MMP16: variants seen among roughly 807,000 people sequenced by gnomAD.
MMP16 encodes the protein matrix metalloproteinase-16.
Under a neutral mutation model 67.8 loss-of-function variants are expected in MMP16, and 12 were observed. The ratio of observed to expected loss-of-function variants is 0.18; its 90% CI spans 0.11 to 0.29. MMP16 has a LOEUF of 0.29. Among genes scored for constraint, MMP16 ranks in the 10% least tolerant of loss-of-function variants. The pLI is 1.00. For synonymous variants in MMP16, 249 were observed against 255.9 expected (o/e 0.97, Z 0.26); for missense variants, 475 against 765.7 (o/e 0.62, Z 4.48).
At chr8:88,273,770 TTAA>T (rs746996381) in intron 1 of MMP16, among the ~76,000 whole-genome samples, 1 of 152,182 alleles carries the variant, frequency 6.6e-6, no homozygotes, top group African/African-American at 2.4e-5. Context: ...CAATTTCCCC[TTAA>T]TAATTTAACG....
intron 1 of MMP16, among the ~76,000 whole-genome samples, chr8:88,253,482 C>A (rs1430143374): frequency 1.3e-5 from 2 of 152,026 alleles, no homozygotes; most frequent in African/African-American, 4.8e-5. Flanking sequence ...ATGAAAATGG[C>A]AACAGTCCTC....
chr8:88,186,053 T>C (rs1586195210), intron 3 of MMP16, among the ~76,000 whole-genome samples: 1 of 152,154 alleles, frequency 6.6e-6, no homozygotes, highest in Non-Finnish European at 1.5e-5. Context: ...ACTTGCATAA[T>C]TAAGAAAAAG....
At chr8:88,266,833 A>C (rs554881898) in intron 1 of MMP16, among the ~76,000 whole-genome samples, 2 of 152,296 alleles carry the variant, frequency 1.3e-5, no homozygotes, top group Admixed American at 6.5e-5. Flanking sequence ...TTTGGATTTC[A>C]ATCATGCTGA....
chr8:88,204,699 TACAA>T (rs1268239631), intron 1 of MMP16, among the ~76,000 whole-genome samples: 1 of 152,136 alleles, frequency 6.6e-6, no homozygotes, highest in Non-Finnish European at 1.5e-5. Context: ...AATTAAGATG[TACAA>T]TAAAAAGTGT....
intron 6 of MMP16, among the ~76,000 whole-genome samples, chr8:88,104,045 CTATTT>C (rs1809192958): frequency 1.3e-5 from 2 of 151,658 alleles, no homozygotes; most frequent in South Asian, 4.1e-4. Flanking sequence ...AAGGTTTTGC[CTATTT>C]TATTTTAAAA....
chr8:88,178,845 T>C (rs1202662903), intron 3 of MMP16, among the ~76,000 whole-genome samples: 3 of 151,816 alleles, frequency 2.0e-5, no homozygotes, highest in East Asian at 3.8e-4. Context: ...TATTTCACTT[T>C]GAATTAAAGA....
chr8:88,238,169 C>A (rs1412506826), intron 1 of MMP16, among the ~76,000 whole-genome samples: 1 of 152,050 alleles, frequency 6.6e-6, no homozygotes, highest in African/African-American at 2.4e-5. Flanking sequence ...TGATCTAGAT[C>A]GTCAATGTCA....
At chr8:88,152,339 A>G (rs1808424270) in intron 4 of MMP16, among the ~76,000 whole-genome samples, 1 of 126,818 alleles carries the variant, frequency 7.9e-6, no homozygotes, top group Admixed American at 8.7e-5. Flanking sequence ...ATAGAAAAAG[A>G]GGGACTCCTC....
chr8:88,228,848 T>A (rs940571183), intron 1 of MMP16, among the ~76,000 whole-genome samples: 1 of 151,988 alleles, frequency 6.6e-6, no homozygotes, highest in Non-Finnish European at 1.5e-5. Context: ...AACACTTTAA[T>A]AGTACAAAAA....
chr8:88,267,200 G>C (rs1246916938), intron 1 of MMP16, among the ~76,000 whole-genome samples: 1 of 152,298 alleles, frequency 6.6e-6, no homozygotes, highest in Non-Finnish European at 1.5e-5. Context: ...AAACAGTTTA[G>C]AAAATATGAC....
chr8:88,072,529 A>T (rs1283043209), intron 7 of MMP16, among the ~76,000 whole-genome samples: 2 of 152,102 alleles, frequency 1.3e-5, no homozygotes, highest in Non-Finnish European at 2.9e-5. Flanking sequence ...GCATTTCCTG[A>T]GGTTGACAAT....
chr8:88,264,730 A>G (rs1810447466), intron 1 of MMP16, among the ~76,000 whole-genome samples: 1 of 152,192 alleles, frequency 6.6e-6, no homozygotes, highest in African/African-American at 2.4e-5. Context: ...CAGCACATAC[A>G]TGATTGCCAT....
At chr8:88,129,681 G>A (rs975597042) in intron 4 of MMP16, among the ~76,000 whole-genome samples, 2 of 151,040 alleles carry the variant, frequency 1.3e-5, no homozygotes, top group Non-Finnish European at 3.0e-5. Flanking sequence ...ACTCTCCCAA[G>A]CATGTATTTT....
chr8:88,261,712 T>C (rs907045869), intron 1 of MMP16, among the ~76,000 whole-genome samples: 10 of 151,880 alleles, frequency 6.6e-5, no homozygotes, highest in Non-Finnish European at 4.4e-5. Flanking sequence ...CATATACATA[T>C]GTACACATAT....
At chr8:88,060,815 TAATA>T (rs970629147) in intron 7 of MMP16, among the ~76,000 whole-genome samples, 33 of 151,828 alleles carry the variant, frequency 2.2e-4, no homozygotes, top group Admixed American at 1.6e-3. Context: ...AGTAGGTGCT[TAATA>T]AATAAATAGT....
intron 1 of MMP16, among the ~76,000 whole-genome samples, chr8:88,313,489 T>C (rs1418865518): frequency 6.6e-6 from 1 of 152,212 alleles, no homozygotes; most frequent in Non-Finnish European, 1.5e-5. Flanking sequence ...TTATGATTTT[T>C]CTCTTTATCA....
chr8:88,079,790 C>T (rs1808715821), intron 6 of MMP16, among the ~76,000 whole-genome samples: 1 of 152,002 alleles, frequency 6.6e-6, no homozygotes, highest in South Asian at 2.1e-4. Context: ...TAAAAGAGGC[C>T]CTAGAGAGCT....
At chr8:88,126,808 A>G (rs1038854410) in intron 4 of MMP16, among the ~76,000 whole-genome samples, 4 of 151,942 alleles carry the variant, frequency 2.6e-5, no homozygotes, top group African/African-American at 4.8e-5. Flanking sequence ...TCATTGGTAA[A>G]GTGGGTGTGA....
intron 7 of MMP16, chr8:88,069,315 G>T: frequency 5.6e-6 from 2 of 359,694 alleles, no homozygotes; most frequent in Non-Finnish European, 5.6e-6. Context: ...TGGTGTTTAC[G>T]AATGCAATTG....
Sources: allele counts gnomAD v4.1 joint callset (sites outside exome capture counted in the v4.1 genomes callset), GRCh38; gene constraint gnomAD v4.1.1; transcripts MANE v1.5; gene names NCBI Gene and HGNC (gene_info 2026-07-23, HGNC 2026-07-21).